RNF220: variants seen among roughly 807,000 people sequenced by gnomAD.
RNF220 encodes ring finger protein 220.
RNF220 carries 7 observed loss-of-function variants against 67.1 expected under a neutral mutation model. The observed-to-expected ratio is 0.10, with a 90% CI of 0.06 to 0.20. RNF220 has a LOEUF of 0.20. Ranked by LOEUF, RNF220 falls within the 10% of genes least tolerant of loss-of-function variation. The pLI is 1.00. For missense variants in RNF220, 565 were observed against 740.3 expected (o/e 0.76, Z 2.75); for synonymous variants, 270 against 283.2 (o/e 0.95, Z 0.47).
chr1:44,609,457 C>G (rs183694826), intron 2 of RNF220, among the ~76,000 whole-genome samples: 1 of 152,180 alleles, frequency 6.6e-6, no homozygotes, highest in Non-Finnish European at 1.5e-5. Context: ...AGCTGCAAGG[C>G]CAGACGTGGG....
At chr1:44,491,129 T>G (rs1176089811) in intron 2 of RNF220, among the ~76,000 whole-genome samples, 1 of 152,194 alleles carries the variant, frequency 6.6e-6, no homozygotes, top group Non-Finnish European at 1.5e-5. Flanking sequence ...TCCAGATTAC[T>G]TCACTGGTAA....
chr1:44,484,204 C>G (rs1055676412), intron 2 of RNF220, among the ~76,000 whole-genome samples: 1 of 152,028 alleles, frequency 6.6e-6, no homozygotes, highest in Non-Finnish European at 1.5e-5. Flanking sequence ...TTGAGCCGTC[C>G]CCTAGGGTTC....
chr1:44,553,725 T>C (rs532075198), intron 2 of RNF220, among the ~76,000 whole-genome samples: 23 of 152,284 alleles, frequency 1.5e-4, no homozygotes, highest in African/African-American at 5.5e-4. Flanking sequence ...TGAGAATGCC[T>C]GCTATACTAG....
At position 44,632,267 on chromosome 1, in the gene RNF220, G is replaced by A. The variant is rs1263687366; in HGVS notation, c.907-76G>A. 2.5e-6 allele frequency: 4 copies of A among 1,613,672 alleles called. No individual in the cohort carries two copies. The African/African-American group carries it at 4.0e-5, about 16-fold the overall frequency. Reference sequence around the variant, plus strand: ...AGCTTTGGTCGGGGGTCCGGTGCTGGGGCGGGGGCCAGGACTGCAGGCCGC... The same window carrying A: ...AGCTTTGGTCGGGGGTCCGGTGCTGAGGCGGGGGCCAGGACTGCAGGCCGC... On this transcript the variant is annotated intron_variant, in intron 5 of 14. Coordinates refer to ENST00000361799, the MANE Select transcript of RNF220 (RefSeq NM_018150.4).
At position 44,558,056 on chromosome 1, in the gene RNF220, T is replaced by C. The variant is rs1215284122; in HGVS notation, c.626-56109T>C. ...CTTATTCACAGTTCTCTTAGCCTTT[T>C]GGCCAACAGCCTCAGGGAACTGTCT... is the stretch of plus-strand genomic sequence containing the variant. On this transcript the variant is annotated intron_variant, in intron 2 of 14. Coordinates refer to ENST00000361799, the MANE Select transcript of RNF220 (RefSeq NM_018150.4). 3.3e-5 allele frequency among the ~76,000 whole-genome samples: 5 copies of C among 152,254 alleles called. No homozygotes were observed. The East Asian group carries it at 9.6e-4, about 29-fold the overall frequency.
At chr1:44,455,690 G>C (rs1653108859) in intron 2 of RNF220, among the ~76,000 whole-genome samples, 1 of 152,158 alleles carries the variant, frequency 6.6e-6, no homozygotes. Flanking sequence ...TGAGAGAGAA[G>C]AAGAACCCTG....
intron 2 of RNF220, among the ~76,000 whole-genome samples, chr1:44,602,328 C>T (rs1257555617): frequency 6.6e-6 from 1 of 152,088 alleles, no homozygotes; most frequent in Non-Finnish European, 1.5e-5. Flanking sequence ...CTGGAAGACA[C>T]TGAGTCCACT....
intron 2 of RNF220, among the ~76,000 whole-genome samples, chr1:44,422,746 G>T (rs577624141): frequency 6.6e-6 from 1 of 152,156 alleles, no homozygotes; most frequent in Non-Finnish European, 1.5e-5. Flanking sequence ...ATCTTTGATC[G>T]TGGGAAGTGC....
intron 2 of RNF220, among the ~76,000 whole-genome samples, chr1:44,572,732 G>C (rs143476758): frequency 1.1e-4 from 16 of 152,198 alleles, no homozygotes; most frequent in Non-Finnish European, 8.8e-5. Flanking sequence ...CTCAAGAGTA[G>C]CTTTTGATAT....
At chr1:44,551,334 C>T (rs1010348692) in intron 2 of RNF220, among the ~76,000 whole-genome samples, 2 of 151,892 alleles carry the variant, frequency 1.3e-5, no homozygotes, top group Non-Finnish European at 2.9e-5. Context: ...AGGCTGGTCT[C>T]GAACTCCCGA....
At chr1:44,426,773 C>T (rs373194074) in intron 2 of RNF220, among the ~76,000 whole-genome samples, 2 of 151,414 alleles carry the variant, frequency 1.3e-5, no homozygotes, top group South Asian at 2.1e-4. Context: ...TTTACTTGTG[C>T]GGTAAACTTC....
intron 2 of RNF220, among the ~76,000 whole-genome samples, chr1:44,582,588 C>G (rs1274393996): frequency 1.3e-5 from 2 of 151,920 alleles, no homozygotes; most frequent in African/African-American, 4.8e-5. Context: ...GAAACCCCAT[C>G]TCTACTAAAA....
intron 2 of RNF220, among the ~76,000 whole-genome samples, chr1:44,497,068 C>T (rs1051927468): frequency 1.3e-5 from 2 of 152,092 alleles, no homozygotes; most frequent in African/African-American, 4.8e-5. Flanking sequence ...ACCCCTGGGA[C>T]AGTTTCTTCT....
At position 44,420,385 on chromosome 1, in the gene RNF220, G is replaced by T. The variant is rs577522644; in HGVS notation, c.625+7663G>T. On this transcript the variant is annotated intron_variant, in intron 2 of 14. Coordinates refer to ENST00000361799, the MANE Select transcript of RNF220 (RefSeq NM_018150.4). ...CTTATGGCTTTACATCAATCTTAGTGCAGCAGAGACAGAAAGCTGTAGGGA... is the reference window on the plus strand; with the variant it reads ...CTTATGGCTTTACATCAATCTTAGTTCAGCAGAGACAGAAAGCTGTAGGGA... Among the ~76,000 whole-genome samples the T allele has an allele frequency of 4.6e-5, 7 of 152,324 alleles. No homozygotes were observed. The South Asian group carries it at 1.4e-3, about 32-fold the overall frequency.
At chr1:44,642,541 T>C (rs1234558147) in intron 8 of RNF220, among the ~76,000 whole-genome samples, 1 of 151,994 alleles carries the variant, frequency 6.6e-6, no homozygotes, top group Non-Finnish European at 1.5e-5. Flanking sequence ...TGCGGAGGCA[T>C]GGGGGCATGA....
At chr1:44,481,151 G>A (rs1389259284) in intron 2 of RNF220, among the ~76,000 whole-genome samples, 1 of 152,096 alleles carries the variant, frequency 6.6e-6, no homozygotes, top group Non-Finnish European at 1.5e-5. Context: ...GACTGAGCGT[G>A]GTGGCATACG....
At chr1:44,568,895 A>C (rs1236896323) in intron 2 of RNF220, among the ~76,000 whole-genome samples, 1 of 151,090 alleles carries the variant, frequency 6.6e-6, no homozygotes, top group Non-Finnish European at 1.5e-5. Context: ...GATGCTACAA[A>C]AGATGGTTTG....
intron 2 of RNF220, among the ~76,000 whole-genome samples, chr1:44,592,018 T>G (rs1666151968): frequency 6.6e-6 from 1 of 152,130 alleles, no homozygotes; most frequent in African/African-American, 2.4e-5. Flanking sequence ...CCTCACTCCT[T>G]ACTCCACACC....
At chr1:44,420,201 A>G (rs1386617009) in intron 2 of RNF220, among the ~76,000 whole-genome samples, 1 of 152,262 alleles carries the variant, frequency 6.6e-6, no homozygotes, top group East Asian at 1.9e-4. Context: ...TGCTGTGTCC[A>G]GTACATTCTG....
Sources: gnomAD v4.1 joint callset for allele counts (sites outside exome capture counted in the v4.1 genomes callset) on GRCh38, gnomAD v4.1.1 for gene constraint, MANE v1.5 for transcripts, NCBI Gene and HGNC (gene_info 2026-07-23, HGNC 2026-07-21) for gene names.